CGGBP1: variants seen among roughly 807,000 people sequenced by gnomAD.
CGGBP1 encodes the protein CGG triplet repeat-binding protein 1.
A neutral mutation model predicts 11.4 loss-of-function variants in CGGBP1; 4 were observed. The ratio of observed to expected loss-of-function variants is 0.35; its 90% CI spans 0.17 to 0.80. The LOEUF is 0.80. Ranked by LOEUF, CGGBP1 falls within the 30% of genes least tolerant of loss-of-function variation. The pLI is 0.52. For missense variants in CGGBP1, 135 were observed against 202.1 expected (o/e 0.67, Z 2.01); for synonymous variants, 76 against 74.1 (o/e 1.03, Z -0.13).
intron 2 of CGGBP1, among the ~76,000 whole-genome samples, chr3:88,110,643 A>G (rs1241083135): frequency 6.6e-6 from 1 of 151,986 alleles, no homozygotes; most frequent in African/African-American, 2.4e-5. Context: ...ACTTTATACT[A>G]TTTTGGACTC....
At chr3:88,105,112 C>T (rs1434505055) in intron 2 of CGGBP1, among the ~76,000 whole-genome samples, 1 of 152,156 alleles carries the variant, frequency 6.6e-6, no homozygotes, top group African/African-American at 2.4e-5. Context: ...GCACTCCAGC[C>T]TGAGCAAGAG....
intron 2 of CGGBP1, among the ~76,000 whole-genome samples, chr3:88,111,986 A>G (rs1705117058): frequency 6.6e-6 from 1 of 151,960 alleles, no homozygotes; most frequent in Non-Finnish European, 1.5e-5. Context: ...GTTTTCTACT[A>G]GGTTATTGAC....
At chr3:88,145,137 G>A (rs963282690) in intron 1 of CGGBP1, among the ~76,000 whole-genome samples, 2 of 152,058 alleles carry the variant, frequency 1.3e-5, no homozygotes, top group African/African-American at 4.8e-5. Flanking sequence ...TCCTAGGAAA[G>A]AATTTCACTG....
At chr3:88,116,589 TTA>T (rs1553698280) in intron 2 of CGGBP1, among the ~76,000 whole-genome samples, 1 of 133,020 alleles carries the variant, frequency 7.5e-6, no homozygotes, top group African/African-American at 3.0e-5. Flanking sequence ...TGCACATATA[TTA>T]TATATATGTG....
chr3:88,052,806 A>T lies in CGGBP1; in HGVS notation c.*2667T>A, dbSNP rs1227344826. ...TTTCTTAATTTTCACCTTGTAAGAA[A>T]TGATTACAATGTCCTTCAGGCTTGT... On this transcript the variant is annotated 3_prime_UTR_variant, in exon 4 of 4. Coordinates refer to ENST00000482016, the MANE Select transcript of CGGBP1 (RefSeq NM_001008390.2). 6.6e-6 allele frequency: 1 copy of T among 152,618 alleles called. No individual in the cohort carries two copies. Among genetic ancestry groups the T allele is most frequent in the African/African-American group, 2.4e-5 (1 of 41,448 alleles). The allele number at this position is 152,618 out of a possible 1,614,324, so 9.5% of individuals were successfully genotyped here.
chr3:88,070,299 A>C (rs1707430702), intron 2 of CGGBP1, among the ~76,000 whole-genome samples: 1 of 152,142 alleles, frequency 6.6e-6, no homozygotes, highest in Non-Finnish European at 1.5e-5. Flanking sequence ...AACTTCTAAA[A>C]TAGGTGAATA....
chr3:88,067,550 G>A lies in CGGBP1; in HGVS notation c.-228-9327C>T, dbSNP rs542855166. 5.9e-5 allele frequency among the ~76,000 whole-genome samples: 9 copies of A among 152,348 alleles called. No individual in the cohort carries two copies. In the South Asian group the frequency reaches 1.7e-3, roughly 28 times the overall value. On this transcript the variant is annotated intron_variant, in intron 2 of 3. Transcript: ENST00000462901. ...TAAATGTCTCAGTAGGAAAGGATGA[G>A]TCTTCAAATAAAGTTTGAGAAGGAT... is the stretch of plus-strand genomic sequence containing the variant.
Position 88,054,325 on chromosome 3 carries a change from TCAAA to T in CGGBP1, c.*1144_*1147del, listed in dbSNP as rs976981150. ...GGATAACCTTACAGGATAGTGAGGT[TCAAA>T]CAGAGATCATTTCCTGAACATGGCT... On this transcript the variant is annotated 3_prime_UTR_variant, in exon 4 of 4. Coordinates refer to ENST00000482016, the MANE Select transcript of CGGBP1 (RefSeq NM_001008390.2). 1 of 152,304 alleles carries T rather than the reference TCAAA, an allele frequency of 6.6e-6. No homozygotes were observed. Among genetic ancestry groups the T allele is most frequent in the Non-Finnish European group, 1.5e-5 (1 of 68,008 alleles). 9.4% of individuals were successfully genotyped at this position (152,304 alleles called of 1,614,324 possible). A position where few individuals can be genotyped will look rare whatever the true frequency, so the allele number is the denominator to read the frequency against.
intron 2 of CGGBP1, among the ~76,000 whole-genome samples, chr3:88,135,879 T>A (rs577320038): frequency 7.2e-4 from 110 of 152,268 alleles, no homozygotes; most frequent in African/African-American, 2.6e-3. Flanking sequence ...TGAATCTCTA[T>A]GTTGGTTACT....
At chr3:88,077,399 T>C (rs1707867924) in intron 2 of CGGBP1, among the ~76,000 whole-genome samples, 1 of 150,976 alleles carries the variant, frequency 6.6e-6, no homozygotes, top group Admixed American at 6.6e-5. Flanking sequence ...AGTGGCGCGA[T>C]CTCGGCTCAC....
chr3:88,077,800 G>T (rs1707893944), intron 2 of CGGBP1, among the ~76,000 whole-genome samples: 1 of 152,164 alleles, frequency 6.6e-6, no homozygotes, highest in Non-Finnish European at 1.5e-5. Flanking sequence ...GGTTCAAAGA[G>T]TTATTTACTG....
At position 88,100,899 on chromosome 3, in the gene CGGBP1, T is replaced by C. The variant is rs552275870; in HGVS notation, c.-229+40071A>G. On this transcript the variant is annotated intron_variant, in intron 2 of 3. Transcript: ENST00000462901. The stretch of plus-strand genomic sequence containing the variant: ...GTGTGCAGCACACCAACATGGCACC[T>C]GTATACATATGTAACAAACCTGCAC... Among the ~76,000 whole-genome samples, 281 of 152,336 alleles carry C rather than the reference T, an allele frequency of 1.8e-3. 5 individuals carry two copies. The highest frequency in any genetic ancestry group is 6.4e-3 in the African/African-American group (265 of 41,568).
At chr3:88,103,567 C>T (rs1203244509) in intron 2 of CGGBP1, among the ~76,000 whole-genome samples, 1 of 151,908 alleles carries the variant, frequency 6.6e-6, no homozygotes, top group Non-Finnish European at 1.5e-5. Flanking sequence ...AAATAATGGC[C>T]ATGAATTTTC....
chr3:88,109,354 A>AGT (rs1704951243), intron 2 of CGGBP1, among the ~76,000 whole-genome samples: 2 of 152,300 alleles, frequency 1.3e-5, no homozygotes, highest in African/African-American at 4.8e-5. Flanking sequence ...ACCTTCAGTT[A>AGT]GTATATATAG....
chr3:88,145,716 AC>A (rs1707300637), intron 1 of CGGBP1, among the ~76,000 whole-genome samples: 1 of 152,186 alleles, frequency 6.6e-6, no homozygotes, highest in Non-Finnish European at 1.5e-5. Context: ...ATCCACTAAT[AC>A]TTGGAATAAA....
At chr3:88,131,224 T>C (rs12487020) in intron 2 of CGGBP1, among the ~76,000 whole-genome samples, 8,493 of 152,248 alleles carry the variant, frequency 0.056, 260 homozygotes, top group Admixed American at 0.078. Flanking sequence ...TATCTAAATA[T>C]AGAAAAAGTA....
intron 2 of CGGBP1, among the ~76,000 whole-genome samples, chr3:88,109,146 T>TGTGG (rs1392585155): frequency 1.4e-5 from 2 of 145,920 alleles, no homozygotes; most frequent in African/African-American, 5.3e-5. Context: ...GGCACTAGTG[T>TGTGG]GTGTGTGTGT....
chr3:88,088,753 T>G lies in CGGBP1; in HGVS notation c.-228-30530A>C, dbSNP rs201056209. Among the ~76,000 whole-genome samples, 477 of 118,162 alleles carry G rather than the reference T, an allele frequency of 4.0e-3. 7 individuals carry two copies. The highest frequency in any genetic ancestry group is 0.011 in the African/African-American group (383 of 34,854). The allele number at this position is 118,162 out of a possible 152,430, so 77.5% of individuals were successfully genotyped here. A position where few individuals can be genotyped will look rare whatever the true frequency, so the allele number is the denominator to read the frequency against. On this transcript the variant is annotated intron_variant, in intron 2 of 3. Coordinates refer to the CGGBP1 transcript ENST00000462901. ...AAAAAAAAACCTTTATTTATGTATG[T>G]ATGTATGTATGGATGGATGGATGGA...
At chr3:88,075,863 A>G (rs1707773069) in intron 2 of CGGBP1, among the ~76,000 whole-genome samples, 1 of 152,104 alleles carries the variant, frequency 6.6e-6, no homozygotes, top group Non-Finnish European at 1.5e-5. Context: ...AGCATTCAAT[A>G]TCAAGCAAAT....
Sources: allele counts gnomAD v4.1 joint callset (sites outside exome capture counted in the v4.1 genomes callset), GRCh38; gene constraint gnomAD v4.1.1; transcripts MANE v1.5; gene names NCBI Gene and HGNC (gene_info 2026-07-23, HGNC 2026-07-21).